Variants in PAX7 observed in about 807,000 individuals in gnomAD.
PAX7 encodes the protein paired box 7.
A neutral mutation model predicts 50.7 loss-of-function variants in PAX7; 18 were observed. That is an observed-to-expected ratio of 0.36 (90% CI 0.25 to 0.53). PAX7 has a LOEUF of 0.53. PAX7 is among the 20% of genes least tolerant of loss of function. The pLI, the probability that PAX7 is intolerant of heterozygous loss-of-function variation, is 0.93. For missense variants in PAX7, 644 were observed against 702.9 expected (o/e 0.92, Z 0.95); for synonymous variants, 310 against 290.4 (o/e 1.07, Z -0.69).
chr1:18,724,124 G>A (rs529795619), intron 7 of PAX7, among the ~76,000 whole-genome samples: 122 of 152,316 alleles, frequency 8.0e-4, no homozygotes, highest in African/African-American at 2.6e-3. Context: ...AAGGAGTGGC[G>A]TCAGCGGGCT....
chr1:18,669,990 G>A (rs2088720142), intron 4 of PAX7, among the ~76,000 whole-genome samples: 1 of 149,970 alleles, frequency 6.7e-6, no homozygotes, highest in African/African-American at 2.5e-5. Context: ...GGCTGAAGCA[G>A]GAGAATCATT....
At chr1:18,649,726 C>T (rs544234125) in intron 4 of PAX7, among the ~76,000 whole-genome samples, 6 of 152,210 alleles carry the variant, frequency 3.9e-5, no homozygotes, top group Non-Finnish European at 7.3e-5. Flanking sequence ...GGGGAACTGT[C>T]CTTTCAACAG....
chr1:18,631,556 G>A lies in PAX7; in HGVS notation c.-48G>A, dbSNP rs758225083. The A allele has an allele frequency of 9.3e-6, 14 of 1,505,162 alleles. No homozygotes were observed. The highest frequency in any genetic ancestry group is 1.1e-5 in the Non-Finnish European group (12 of 1,089,798). The allele number at this position is 1,505,162 out of a possible 1,614,324, so 93.2% of individuals were successfully genotyped here. A position where few individuals can be genotyped will look rare whatever the true frequency, so the allele number is the denominator to read the frequency against. On this transcript the variant is annotated 5_prime_UTR_variant, in exon 1 of 9. Coordinates refer to ENST00000420770, the MANE Select transcript of PAX7 (RefSeq NM_001135254.2). ...CGCAGCAGGGGTGAAGGGAGCGGAC[G>A]GGAAGCGATTTTTGCCGACTTTGGA...
intron 4 of PAX7, among the ~76,000 whole-genome samples, chr1:18,684,309 T>C (rs1296744135): frequency 6.6e-6 from 1 of 152,172 alleles, no homozygotes; most frequent in Non-Finnish European, 1.5e-5. Context: ...TGAAGGACAG[T>C]GCTGGCTGGG....
intron 4 of PAX7, among the ~76,000 whole-genome samples, chr1:18,650,233 A>T (rs2088411068): frequency 1.3e-5 from 2 of 152,220 alleles, no homozygotes; most frequent in Non-Finnish European, 1.5e-5. Context: ...TTATCTGGTG[A>T]CAAATGATTA....
intron 3 of PAX7, among the ~76,000 whole-genome samples, chr1:18,635,785 TGAGA>T (rs898206845): frequency 3.9e-5 from 6 of 152,040 alleles, no homozygotes; most frequent in Admixed American, 6.5e-5. Flanking sequence ...ATACTGCCTG[TGAGA>T]GAGAAAGTGA....
intron 4 of PAX7, among the ~76,000 whole-genome samples, chr1:18,640,652 G>T (rs906846003): frequency 1.3e-5 from 2 of 152,180 alleles, no homozygotes; most frequent in African/African-American, 4.8e-5. Context: ...CCCCGGGTTG[G>T]CAATCTAATC....
intron 7 of PAX7, among the ~76,000 whole-genome samples, chr1:18,728,018 G>C (rs569196888): frequency 9.9e-5 from 15 of 152,274 alleles, no homozygotes; most frequent in African/African-American, 3.1e-4. Flanking sequence ...AGAGGAAGAG[G>C]GGGTGAGGGT....
intron 7 of PAX7, among the ~76,000 whole-genome samples, chr1:18,728,096 C>A (rs752801095): frequency 6.6e-6 from 1 of 152,096 alleles, no homozygotes; most frequent in Non-Finnish European, 1.5e-5. Context: ...AACAGGCAGC[C>A]GCCAGTAGGG....
intron 4 of PAX7, among the ~76,000 whole-genome samples, chr1:18,642,217 G>C (rs2088267313): frequency 7.5e-6 from 1 of 133,394 alleles, no homozygotes; most frequent in Non-Finnish European, 1.7e-5. Context: ...TTACCTCTTT[G>C]GAGTTTCTAT....
At chr1:18,730,679 C>T (rs1011135615) in intron 7 of PAX7, among the ~76,000 whole-genome samples, 1 of 152,158 alleles carries the variant, frequency 6.6e-6, no homozygotes, top group Non-Finnish European at 1.5e-5. Flanking sequence ...AGCTCAGGAA[C>T]GGAGGGAACT....
At chr1:18,667,140 T>C (rs1365938499) in intron 4 of PAX7, among the ~76,000 whole-genome samples, 1 of 152,188 alleles carries the variant, frequency 6.6e-6, no homozygotes, top group Non-Finnish European at 1.5e-5. Flanking sequence ...CCAGCTGAGT[T>C]GAGGAGTCAG....
chr1:18,696,966 G>A (rs1000622540), intron 5 of PAX7, among the ~76,000 whole-genome samples: 5 of 152,030 alleles, frequency 3.3e-5, no homozygotes, highest in African/African-American at 1.2e-4. Context: ...CATTTACCCC[G>A]ATGTGATTAT....
chr1:18,655,538 G>T (rs561320959), intron 4 of PAX7, among the ~76,000 whole-genome samples: 1 of 152,188 alleles, frequency 6.6e-6, no homozygotes, highest in Non-Finnish European at 1.5e-5. Flanking sequence ...TGTCTGGCAC[G>T]GGGCCTCGCT....
In PAX7 at chr1:18,746,709, A is replaced by T. The variant is rs1012066772; in HGVS notation, c.*1780A>T. The T allele has an allele frequency of 4.3e-6, 1 of 231,326 alleles. No homozygotes were observed. The highest frequency in any genetic ancestry group is 2.2e-5 in the African/African-American group (1 of 45,224). The allele number at this position is 231,326 out of a possible 1,614,324, so 14.3% of individuals were successfully genotyped here. A position where few individuals can be genotyped will look rare whatever the true frequency, so the allele number is the denominator to read the frequency against. On this transcript the variant is annotated 3_prime_UTR_variant, in exon 9 of 9. Transcript: ENST00000420770. ...AGAGGGAAAGGGCTGCTGCTCTGGGAGTCAACCTGAGTTCCTCCCTCCTGG... is the reference window on the plus strand; with the variant it reads ...AGAGGGAAAGGGCTGCTGCTCTGGGTGTCAACCTGAGTTCCTCCCTCCTGG...
intron 4 of PAX7, among the ~76,000 whole-genome samples, chr1:18,662,003 T>C (rs2088606994): frequency 1.3e-5 from 2 of 151,206 alleles, no homozygotes; most frequent in South Asian, 4.2e-4. Context: ...GCTCAGAGAG[T>C]GGCTTTGTTT....
At chr1:18,645,735 C>T (rs1230690681) in intron 4 of PAX7, among the ~76,000 whole-genome samples, 1 of 149,866 alleles carries the variant, frequency 6.7e-6, no homozygotes, top group African/African-American at 2.5e-5. Context: ...TTCCTGAAAA[C>T]TTGCCTTAAG....
rs569371952 is a variant in PAX7 at position 18,726,462 on chromosome 1, T to C, written c.1156-9170T>C. Among the ~76,000 whole-genome samples the C allele has an allele frequency of 6.6e-6, 1 of 152,344 alleles. No individual in the cohort carries two copies. Among genetic ancestry groups the C allele is most frequent in the East Asian group, 1.9e-4 (1 of 5,186 alleles). On this transcript the variant is annotated intron_variant, in intron 7 of 8. Coordinates refer to ENST00000420770, the MANE Select transcript of PAX7 (RefSeq NM_001135254.2). This position sits in a 1 kb window ranked among gnomAD's most constrained non-coding sequence, Gnocchi z 4.8. The stretch of plus-strand genomic sequence containing the variant: ...AAATGTTTATTGGGTGCCTTCTGTG[T>C]CCCAGGCACTGGGAATAAGACGCCA...
intron 4 of PAX7, among the ~76,000 whole-genome samples, chr1:18,637,699 A>G (rs1278373493): frequency 6.6e-6 from 1 of 152,224 alleles, no homozygotes; most frequent in Non-Finnish European, 1.5e-5. Flanking sequence ...CCCAGCCCCC[A>G]CAGGCGTGGT....
Sources: allele counts gnomAD v4.1 joint callset (sites outside exome capture counted in the v4.1 genomes callset), GRCh38; gene constraint gnomAD v4.1.1; non-coding constraint Gnocchi (gnomAD v3.1); transcripts MANE v1.5; gene names NCBI Gene and HGNC (gene_info 2026-07-23, HGNC 2026-07-21).